Variants in DAPK2 observed in about 807,000 individuals in gnomAD.
DAPK2 encodes the protein death-associated protein kinase 2.
Under a neutral mutation model 44.1 loss-of-function variants are expected in DAPK2, and 35 were observed. The ratio of observed to expected loss-of-function variants is 0.79; its 90% CI spans 0.61 to 1.05. The LOEUF (loss-of-function observed/expected upper bound fraction) is 1.05, where lower values mean the gene tolerates loss of function less well. Among genes scored for constraint, DAPK2 ranks in the 50% least tolerant of loss-of-function variants. The probability of loss-of-function intolerance (pLI) is 0.00; values close to 1 mark genes in which losing one functional copy is unlikely to be tolerated. For synonymous variants in DAPK2, 174 were observed against 182.6 expected, an observed-to-expected ratio of 0.95 and a Z score of 0.38; for missense variants, 453 against 483.2, an observed-to-expected ratio of 0.94 and a Z score of 0.59.
upstream of DAPK2, among the ~76,000 whole-genome samples, chr15:64,041,162 T>G (rs148063201): frequency 7.2e-5 from 11 of 152,292 alleles, no homozygotes; most frequent in East Asian, 2.1e-3. Context: ...ATCTGTAAAC[T>G]CTCTCACTCA....
At chr15:64,037,793 T>G (rs12913335) in intron 1 of DAPK2, among the ~76,000 whole-genome samples, 81,739 of 152,038 alleles carry the variant, frequency 0.54, 23,036 homozygotes, top group East Asian at 0.77. Context: ...AGAGAGGACC[T>G]CTAAAGGCCT....
In DAPK2 at chr15:63,983,857, A is replaced by G. The variant is rs112059802; in HGVS notation, c.93-103T>C. 7.8e-6 allele frequency: 9 copies of G among 1,158,302 alleles called. 1 individual carries two copies. The highest frequency in any genetic ancestry group is 4.6e-5 in the African/African-American group (3 of 65,914). The allele number at this position is 1,158,302 out of a possible 1,614,324, so 71.8% of individuals were successfully genotyped here. The stretch of plus-strand genomic sequence containing the variant: ...CACACAAATTCAGAGTGATTCTGCC[A>G]GGACAGGACAAATCATGCCACCAGT... On this transcript the variant is annotated intron_variant, in intron 1 of 10. Transcript: ENST00000261891.
intron 3 of DAPK2, among the ~76,000 whole-genome samples, chr15:63,954,256 T>A (rs900589362): frequency 2.0e-5 from 3 of 152,232 alleles, no homozygotes; most frequent in African/African-American, 4.8e-5. Context: ...GTTTCTCCAA[T>A]GTTTTCTTTT....
At chr15:64,023,892 C>G (rs1397106278) in intron 1 of DAPK2, among the ~76,000 whole-genome samples, 1 of 152,142 alleles carries the variant, frequency 6.6e-6, no homozygotes, top group African/African-American at 2.4e-5. Context: ...TCAGAGATGG[C>G]TTTTTGTTTA....
chr15:63,912,910 A>AC lies in DAPK2; in HGVS notation c.859-714dup, dbSNP rs1205005970. Among the ~76,000 whole-genome samples, 1 of 151,916 alleles carries AC rather than the reference A, an allele frequency of 6.6e-6. No individual in the cohort carries two copies. Among genetic ancestry groups the AC allele is most frequent in the Non-Finnish European group, 1.5e-5 (1 of 68,006 alleles). The stretch of plus-strand genomic sequence containing the variant: ...CTGCGTTCTCCATTCCCTTTTCAAC[A>AC]CCCCCCTTTTGTAAAATAAGGTTTT... On this transcript the variant is annotated intron_variant, in intron 8 of 10. Transcript: ENST00000261891. This position sits in a 1 kb window ranked among gnomAD's most constrained non-coding sequence, Gnocchi z 4.4.
In DAPK2 at chr15:63,908,630, G is replaced by A; in HGVS notation, c.1033-30C>T. Reference sequence around the variant, plus strand: ...AGAAAAAAAAGAGAAAGAGGTCCAGGGCAGGAGGATCATGAGACGCCAGGA... The same window carrying A: ...AGAAAAAAAAGAGAAAGAGGTCCAGAGCAGGAGGATCATGAGACGCCAGGA... On this transcript the variant is annotated intron_variant, in intron 10 of 10. Coordinates refer to ENST00000261891, the Ensembl canonical transcript of DAPK2. The surrounding 1 kb of genome is among the most constrained non-coding windows in gnomAD (Gnocchi z 5.7). 1 of 1,553,060 alleles carries A rather than the reference G, an allele frequency of 6.4e-7. No individual in the cohort carries two copies. Among genetic ancestry groups the A allele is most frequent in the Non-Finnish European group, 8.7e-7 (1 of 1,151,920 alleles).
At chr15:63,926,453 C>T (rs2140339999) in intron 6 of DAPK2, among the ~76,000 whole-genome samples, 1 of 152,208 alleles carries the variant, frequency 6.6e-6, no homozygotes, top group South Asian at 2.1e-4. Context: ...CCCAGTGCAG[C>T]TTCACGGTGG....
intron 1 of DAPK2, among the ~76,000 whole-genome samples, chr15:63,988,036 G>C (rs548126416): frequency 6.6e-6 from 1 of 152,112 alleles, no homozygotes; most frequent in South Asian, 2.1e-4. Flanking sequence ...CAAAAGTCAC[G>C]TAGGATGGTT....
At chr15:63,948,258 G>A (rs1184350244) in intron 3 of DAPK2, among the ~76,000 whole-genome samples, 1 of 98,406 alleles carries the variant, frequency 1.0e-5, no homozygotes, top group Non-Finnish European at 1.9e-5. Context: ...ATGATGGAGT[G>A]AGACTCCATC....
At position 64,020,028 on chromosome 15, in the gene DAPK2, G is replaced by A. The variant is rs2079640448; in HGVS notation, c.92+20142C>T. Among the ~76,000 whole-genome samples the A allele has an allele frequency of 6.6e-6, 1 of 152,188 alleles. No individual in the cohort carries two copies. Among genetic ancestry groups the A allele is most frequent in the Non-Finnish European group, 1.5e-5 (1 of 68,026 alleles). The stretch of plus-strand genomic sequence containing the variant: ...CAAACCACTGTGTCTAATCTCAGCA[G>A]AAGCAGTCTCAGTGGCACCCGCAGG... On this transcript the variant is annotated intron_variant, in intron 1 of 10. Coordinates refer to ENST00000261891, the Ensembl canonical transcript of DAPK2. The surrounding 1 kb of genome is among the most constrained non-coding windows in gnomAD (Gnocchi z 4.5).
chr15:64,046,159 G>A lies in DAPK2; in HGVS notation c.-7+139C>T, dbSNP rs540730616. The A allele has an allele frequency of 4.1e-6, 1 of 242,906 alleles. No individual in the cohort carries two copies. Among genetic ancestry groups the A allele is most frequent in the African/African-American group, 2.3e-5 (1 of 43,256 alleles). 15.0% of individuals were successfully genotyped at this position (242,906 alleles called of 1,614,324 possible). A position where few individuals can be genotyped will look rare whatever the true frequency, so the allele number is the denominator to read the frequency against. On this transcript the variant is annotated intron_variant, in intron 1 of 11. Transcript: ENST00000457488. This position sits in a 1 kb window ranked among gnomAD's most constrained non-coding sequence, Gnocchi z 5.3. ...CACAATGCCCCGGGCCACGGCGTCA[G>A]GCATTGGGGCGGCGGGCCCGGGATC...
chr15:64,032,330 A>G (rs1026059269), intron 1 of DAPK2, among the ~76,000 whole-genome samples: 1 of 152,208 alleles, frequency 6.6e-6, no homozygotes, highest in Non-Finnish European at 1.5e-5. Context: ...AAGAAAAAGC[A>G]TAATTTTTCC....
rs2078468448 is a variant in DAPK2 at position 63,980,326 on chromosome 15, C to T, written c.314+3207G>A. Among the ~76,000 whole-genome samples, 1 of 152,190 alleles carries T rather than the reference C, an allele frequency of 6.6e-6. No individual in the cohort carries two copies. The highest frequency in any genetic ancestry group is 1.5e-5 in the Non-Finnish European group (1 of 68,034). ...CTAGGGTTCTACAAACAGGAAGAAGCAGGCAATTTCCCCAGCAATTAAAGG... is the reference window on the plus strand; with the variant it reads ...CTAGGGTTCTACAAACAGGAAGAAGTAGGCAATTTCCCCAGCAATTAAAGG... On this transcript the variant is annotated intron_variant, in intron 2 of 10. Transcript: ENST00000261891. This position sits in a 1 kb window ranked among gnomAD's most constrained non-coding sequence, Gnocchi z 4.3.
intron 1 of DAPK2, among the ~76,000 whole-genome samples, chr15:63,984,193 G>T (rs2078609028): frequency 6.6e-6 from 1 of 152,116 alleles, no homozygotes; most frequent in Non-Finnish European, 1.5e-5. Flanking sequence ...TCATAGTGGG[G>T]GAGCATCACA....
chr15:64,042,609 C>T (rs1202997657), upstream of DAPK2, among the ~76,000 whole-genome samples: 1 of 152,182 alleles, frequency 6.6e-6, no homozygotes, highest in African/African-American at 2.4e-5. This position sits in a 1 kb window ranked among gnomAD's most constrained non-coding sequence, Gnocchi z 4.7. Context: ...CCTGGGTGGC[C>T]AAGGTTAGGG....
At chr15:63,986,323 C>T (rs761925097) in intron 1 of DAPK2, among the ~76,000 whole-genome samples, 10 of 152,198 alleles carry the variant, frequency 6.6e-5, no homozygotes, top group South Asian at 2.1e-4. Flanking sequence ...AATGTTGGCC[C>T]GTGGTACTCA....
At chr15:63,927,341 T>C (rs1315851333) in intron 6 of DAPK2, among the ~76,000 whole-genome samples, 6 of 152,192 alleles carry the variant, frequency 3.9e-5, no homozygotes, top group African/African-American at 1.4e-4. Flanking sequence ...AGGTTTACCG[T>C]TCCTTTTCTC....
intron 2 of DAPK2, among the ~76,000 whole-genome samples, chr15:63,977,918 CA>C (rs1232300967): frequency 6.6e-6 from 1 of 152,174 alleles, no homozygotes; most frequent in Admixed American, 6.5e-5. Flanking sequence ...GGTGCTGATG[CA>C]AAATGGAAAG....
At chr15:63,911,596 T>C (rs1451028014) in intron 10 of DAPK2, 1 of 385,796 alleles carries the variant, frequency 2.6e-6, no homozygotes, top group African/African-American at 2.0e-5. Context: ...TTATCAGAAA[T>C]ACATTTTGGG....
Sources: allele counts gnomAD v4.1 joint callset (sites outside exome capture counted in the v4.1 genomes callset), GRCh38; gene constraint gnomAD v4.1.1; non-coding constraint Gnocchi (gnomAD v3.1); transcripts MANE v1.5; gene names NCBI Gene and HGNC (gene_info 2026-07-23, HGNC 2026-07-21).